Variants in MYO3B observed in about 807,000 individuals in gnomAD.
MYO3B encodes myosin IIIB, also known as myosin-IIIb.
Under a neutral mutation model 174.6 loss-of-function variants are expected in MYO3B, and 156 were observed. The observed-to-expected ratio is 0.89, with a 90% CI of 0.78 to 1.02. The LOEUF is 1.02. Among genes scored for constraint, MYO3B ranks in the 50% least tolerant of loss-of-function variants. The probability of loss-of-function intolerance (pLI) is 0.00; values close to 1 mark genes in which losing one functional copy is unlikely to be tolerated. For synonymous variants in MYO3B, 563 were observed against 569.1 expected (o/e 0.99, Z 0.15); for missense variants, 1,632 against 1,639.4 (o/e 1.00, Z 0.08).
rs1477170264 is a variant in MYO3B, at chr2:170,499,697, G to A, written c.3178G>A (p.Val1060Ile). The A allele has an allele frequency of 2.5e-6, 4 of 1,614,150 alleles. No homozygotes were observed. In the Admixed American group the frequency reaches 6.7e-5, roughly 27 times the overall value. Residue 1060 changes from valine (V) to isoleucine (I), a missense_variant, in exon 27 of 35, where the codon GTC becomes ATC. Coordinates refer to ENST00000408978, the MANE Select transcript of MYO3B (RefSeq NM_138995.5). ...GCAATTAAATTTGCTGCTTCGAGAA[G>A]TCATAGGCAGAGTGGTTGTGCTGCA... is the stretch of plus-strand genomic sequence containing the variant. ...VEQLNLLLREVIGRVVVLQAY... is the reference protein window; with the variant it reads ...VEQLNLLLREIIGRVVVLQAY...
chr2:170,575,447 A>G (rs758044805), intron 32 of MYO3B, among the ~76,000 whole-genome samples: 1 of 152,212 alleles, frequency 6.6e-6, no homozygotes, highest in Non-Finnish European at 1.5e-5. Context: ...TAAAAAAAGC[A>G]TAGACAGTAG....
At chr2:170,469,878 G>A (rs1223148051) in intron 25 of MYO3B, among the ~76,000 whole-genome samples, 1 of 151,998 alleles carries the variant, frequency 6.6e-6, no homozygotes, top group Non-Finnish European at 1.5e-5. Flanking sequence ...TGAGGAGGGT[G>A]GATCACCTGA....
At chr2:170,242,899 GA>G (rs2105313506) in intron 7 of MYO3B, among the ~76,000 whole-genome samples, 1 of 152,222 alleles carries the variant, frequency 6.6e-6, no homozygotes, top group South Asian at 2.1e-4. Context: ...CTCTACTCCA[GA>G]AAAAACTAAG....
chr2:170,469,115 G>T lies in MYO3B; in HGVS notation c.3014+2404G>T, dbSNP rs147018182. ...CGTGCCACTGCGCTCCAGCCAGGGC[G>T]ACGGAGTGAGACTTCCTCTCAAAAA... On this transcript the variant is annotated intron_variant, in intron 25 of 34. Transcript: ENST00000408978. Among the ~76,000 whole-genome samples the T allele has an allele frequency of 7.2e-3, 1,095 of 152,232 alleles. 14 individuals are homozygous for T. Among genetic ancestry groups the T allele is most frequent in the African/African-American group, 0.025 (1,043 of 41,552 alleles).
At chr2:170,388,729 G>A (rs988551763) in intron 14 of MYO3B, among the ~76,000 whole-genome samples, 1 of 152,202 alleles carries the variant, frequency 6.6e-6, no homozygotes, top group Non-Finnish European at 1.5e-5. Context: ...GACTAAGGCG[G>A]TGGCAGTGGA....
At chr2:170,431,707 T>C (rs1023232671) in intron 22 of MYO3B, among the ~76,000 whole-genome samples, 1 of 152,246 alleles carries the variant, frequency 6.6e-6, no homozygotes, top group Non-Finnish European at 1.5e-5. Context: ...CAAGATAAAG[T>C]TGTAGATTCA....
intron 7 of MYO3B, among the ~76,000 whole-genome samples, chr2:170,251,212 C>T (rs1559335604): frequency 6.6e-6 from 1 of 152,040 alleles, no homozygotes; most frequent in Non-Finnish European, 1.5e-5. Context: ...TGATTCTTTA[C>T]TGCAACTCTG....
intron 12 of MYO3B, among the ~76,000 whole-genome samples, chr2:170,384,566 A>C (rs1286458946): frequency 6.6e-6 from 1 of 152,210 alleles, no homozygotes. Context: ...TTATAACAAC[A>C]TAGATTATAA....
chr2:170,585,392 T>C (rs1031585633), intron 32 of MYO3B, among the ~76,000 whole-genome samples: 1 of 151,992 alleles, frequency 6.6e-6, no homozygotes, highest in South Asian at 2.1e-4. Context: ...AAGTATCAGT[T>C]CTTATACCCA....
intron 7 of MYO3B, among the ~76,000 whole-genome samples, chr2:170,274,811 C>T (rs898223829): frequency 1.3e-5 from 2 of 151,996 alleles, no homozygotes; most frequent in Admixed American, 6.6e-5. Context: ...AAGAAAAAAA[C>T]GCAAAGTAAA....
chr2:170,347,260 G>A (rs181617624), intron 8 of MYO3B, among the ~76,000 whole-genome samples: 9 of 152,262 alleles, frequency 5.9e-5, no homozygotes, highest in African/African-American at 2.2e-4. Flanking sequence ...CCTCACTGCT[G>A]CCATATGAAG....
chr2:170,283,596 TG>T (rs1339064059), intron 7 of MYO3B, among the ~76,000 whole-genome samples: 1 of 152,186 alleles, frequency 6.6e-6, no homozygotes, highest in Non-Finnish European at 1.5e-5. Context: ...TTTGGTCTTT[TG>T]GTCCTTTGTA....
intron 6 of MYO3B, among the ~76,000 whole-genome samples, chr2:170,234,193 CAAAACAAAAAA>C (rs2093046016): frequency 1.2e-4 from 4 of 34,022 alleles, no homozygotes; most frequent in East Asian, 1.7e-3. Flanking sequence ...AAAAACAAAA[CAAAACAAAAAA>C]AAAACACCTG....
intron 6 of MYO3B, among the ~76,000 whole-genome samples, chr2:170,234,925 A>G (rs1255084104): frequency 6.6e-6 from 1 of 152,174 alleles, no homozygotes; most frequent in Non-Finnish European, 1.5e-5. Flanking sequence ...TCTTCTCCTC[A>G]TAATCTATCC....
intron 12 of MYO3B, chr2:170,384,036 G>T: frequency 2.0e-6 from 1 of 491,404 alleles, no homozygotes; most frequent in Non-Finnish European, 3.6e-6. Flanking sequence ...ACAGTCACAT[G>T]AGGTGCGCTC....
At chr2:170,198,716 G>A (rs900025181) in intron 1 of MYO3B, among the ~76,000 whole-genome samples, 1 of 152,142 alleles carries the variant, frequency 6.6e-6, no homozygotes, top group South Asian at 2.1e-4. Context: ...AACATAGAGC[G>A]AGGATAAAAA....
At chr2:170,472,934 C>G (rs1056991431) in intron 25 of MYO3B, among the ~76,000 whole-genome samples, 1 of 151,594 alleles carries the variant, frequency 6.6e-6, no homozygotes, top group South Asian at 2.1e-4. Context: ...CTCCTGAGCT[C>G]GAGCAATCTG....
At chr2:170,479,502 GT>G (rs1685542763) in intron 25 of MYO3B, among the ~76,000 whole-genome samples, 1 of 143,478 alleles carries the variant, frequency 7.0e-6, no homozygotes, top group South Asian at 2.2e-4. Flanking sequence ...ATAAATATAT[GT>G]TTTATATATA....
At chr2:170,226,018 T>G (rs1236631408) in intron 6 of MYO3B, among the ~76,000 whole-genome samples, 1 of 152,218 alleles carries the variant, frequency 6.6e-6, no homozygotes, top group Non-Finnish European at 1.5e-5. Context: ...TTACTGTTTT[T>G]AGAGGGAAGA....
Sources: allele counts gnomAD v4.1 joint callset (sites outside exome capture counted in the v4.1 genomes callset), GRCh38; gene constraint gnomAD v4.1.1; transcripts MANE v1.5; gene names NCBI Gene and HGNC (gene_info 2026-07-23, HGNC 2026-07-21).